RBFOX1: variants seen among roughly 807,000 people sequenced by gnomAD.
RBFOX1 encodes RNA binding fox-1 homolog 1, also known as RNA binding protein fox-1 homolog 1.
RBFOX1 carries 8 observed loss-of-function variants against 57.7 expected under a neutral mutation model. The ratio of observed to expected loss-of-function variants is 0.14; its 90% CI spans 0.08 to 0.25. RBFOX1 has a LOEUF of 0.25. Ranked by LOEUF, RBFOX1 falls within the 10% of genes least tolerant of loss-of-function variation. RBFOX1 has a pLI of 1.00. For missense variants in RBFOX1, 611 were observed against 548.5 expected (o/e 1.11, Z -1.14); for synonymous variants, 326 against 222.4 (o/e 1.47, Z -4.15).
At chr16:7,592,072 C>G (rs1405972349) in intron 7 of RBFOX1, among the ~76,000 whole-genome samples, 1 of 151,918 alleles carries the variant, frequency 6.6e-6, no homozygotes, top group African/African-American at 2.4e-5. Flanking sequence ...GTAGAATTGC[C>G]CAACGGAACA....
At chr16:7,701,897 G>T (rs1381104304) in intron 14 of RBFOX1, among the ~76,000 whole-genome samples, 1 of 152,148 alleles carries the variant, frequency 6.6e-6, no homozygotes, top group Non-Finnish European at 1.5e-5. Flanking sequence ...TTATGTTAAT[G>T]CTTTCAGGAG....
intron 3 of RBFOX1, among the ~76,000 whole-genome samples, chr16:6,934,780 T>G (rs6500882): frequency 0.58 from 87,923 of 151,922 alleles, 27,568 homozygotes; most frequent in African/African-American, 0.83. Context: ...CCACGCTTTG[T>G]GTATCACTTG....
chr16:7,182,238 T>C (rs1204008889), intron 4 of RBFOX1, among the ~76,000 whole-genome samples: 1 of 152,194 alleles, frequency 6.6e-6, no homozygotes. Context: ...ACAGGGTTGC[T>C]AGTTTACCTT....
chr16:6,304,408 T>C lies in RBFOX1; in HGVS notation c.-126-12587T>C, dbSNP rs910389910. The stretch of plus-strand genomic sequence containing the variant: ...TCTTGTGAGCTCCCAGATTACTGTA[T>C]CCCTCCTCCGTCTCACCTCCATGGA... On this transcript the variant is annotated intron_variant, in intron 1 of 15. Coordinates refer to ENST00000550418, the MANE Select transcript of RBFOX1 (RefSeq NM_018723.4). 4.6e-5 allele frequency among the ~76,000 whole-genome samples: 7 copies of C among 152,222 alleles called. No homozygotes were observed. The Middle Eastern group carries it at 0.017, about 370-fold the overall frequency.
At chr16:7,561,833 G>A (rs910235274) in intron 5 of RBFOX1, among the ~76,000 whole-genome samples, 3 of 152,184 alleles carry the variant, frequency 2.0e-5, no homozygotes, top group Non-Finnish European at 2.9e-5. Flanking sequence ...TTAGCATAAC[G>A]TATAGAATTG....
Position 7,331,551 on chromosome 16 carries a change from G to A in RBFOX1, c.28-186596G>A, listed in dbSNP as rs138599754. ...AAGCCTTCAATCTGAAACCAAAGAT[G>A]TGTCTGTACCAATCATCAGGAAAAC... is the stretch of plus-strand genomic sequence containing the variant. On this transcript the variant is annotated intron_variant, in intron 4 of 15. Transcript: ENST00000550418. Among the ~76,000 whole-genome samples the A allele has an allele frequency of 7.2e-5, 11 of 152,272 alleles. No homozygotes were observed. The East Asian group carries it at 1.9e-3, about 27-fold the overall frequency.
intron 1 of RBFOX1, among the ~76,000 whole-genome samples, chr16:6,084,283 G>T (rs73523880): frequency 2.0e-5 from 3 of 151,878 alleles, no homozygotes; most frequent in Non-Finnish European, 4.4e-5. Context: ...TTGCTCTGTC[G>T]CCCAGGCTGG....
chr16:6,132,974 A>G (rs578048120), intron 1 of RBFOX1, among the ~76,000 whole-genome samples: 10 of 148,072 alleles, frequency 6.8e-5, no homozygotes, highest in South Asian at 4.2e-4. Flanking sequence ...CAAAAAAAAA[A>G]AAAAGAAAAG....
intron 8 of RBFOX1, among the ~76,000 whole-genome samples, chr16:7,596,687 C>T (rs146650942): frequency 3.0e-3 from 453 of 152,250 alleles, no homozygotes; most frequent in Non-Finnish European, 5.4e-3. Flanking sequence ...AGTGTACGTT[C>T]TAAGCTAGCC....
chr16:6,969,300 C>G (rs1339449314), intron 3 of RBFOX1, among the ~76,000 whole-genome samples: 2 of 152,124 alleles, frequency 1.3e-5, no homozygotes, highest in African/African-American at 4.8e-5. Context: ...TCAACGAATC[C>G]TATTTAGTGC....
intron 1 of RBFOX1, among the ~76,000 whole-genome samples, chr16:5,267,882 G>C (rs761993975): frequency 6.6e-6 from 1 of 152,036 alleles, no homozygotes; most frequent in African/African-American, 2.4e-5. Flanking sequence ...AGGAGTTTGA[G>C]CACAGCCTGG....
intron 1 of RBFOX1, among the ~76,000 whole-genome samples, chr16:5,429,232 C>G (rs1192074982): frequency 3.3e-5 from 5 of 152,178 alleles, no homozygotes; most frequent in Non-Finnish European, 1.5e-5. Flanking sequence ...AAGCCAGTGA[C>G]TCGGAGTGAG....
intron 2 of RBFOX1, among the ~76,000 whole-genome samples, chr16:6,615,217 C>T (rs953022073): frequency 1.3e-5 from 2 of 152,174 alleles, no homozygotes; most frequent in African/African-American, 2.4e-5. Flanking sequence ...ATGAAAACTT[C>T]TTATACAGAG....
chr16:5,819,061 C>G (rs907175278), intron 3 of RBFOX1, among the ~76,000 whole-genome samples: 1 of 152,166 alleles, frequency 6.6e-6, no homozygotes, highest in Non-Finnish European at 1.5e-5. Context: ...GGTCTGTTCT[C>G]CTGCCCTGGT....
At chr16:7,537,259 A>C (rs116088292) in intron 5 of RBFOX1, among the ~76,000 whole-genome samples, 1,958 of 152,338 alleles carry the variant, frequency 0.013, 31 homozygotes, top group African/African-American at 0.045. Flanking sequence ...GGTTGGAGTC[A>C]ATATCAAATG....
chr16:6,101,462 C>T (rs2096307266), intron 1 of RBFOX1, among the ~76,000 whole-genome samples: 1 of 152,044 alleles, frequency 6.6e-6, no homozygotes, highest in South Asian at 2.1e-4. Flanking sequence ...GTATCTTCTA[C>T]TTTTTAAATT....
At chr16:5,628,217 T>G (rs8054235) in intron 3 of RBFOX1, among the ~76,000 whole-genome samples, 20,685 of 152,172 alleles carry the variant, frequency 0.14, 4,380 homozygotes, top group African/African-American at 0.45. Context: ...CAGCCCAGTG[T>G]TTGAGTTGAG....
intron 2 of RBFOX1, among the ~76,000 whole-genome samples, chr16:6,584,211 G>T (rs1364916791): frequency 6.6e-6 from 1 of 151,770 alleles, no homozygotes; most frequent in Non-Finnish European, 1.5e-5. Flanking sequence ...GGGAAGTCTT[G>T]TAGATGAAGT....
At chr16:7,233,772 C>T (rs917869674) in intron 4 of RBFOX1, among the ~76,000 whole-genome samples, 1 of 152,116 alleles carries the variant, frequency 6.6e-6, no homozygotes, top group Non-Finnish European at 1.5e-5. Flanking sequence ...TATTAAATGG[C>T]AGTTTTCTCT....
Sources: allele counts gnomAD v4.1 joint callset (sites outside exome capture counted in the v4.1 genomes callset), GRCh38; gene constraint gnomAD v4.1.1; transcripts MANE v1.5; gene names NCBI Gene and HGNC (gene_info 2026-07-23, HGNC 2026-07-21).